The following ZNF142 variants were observed in gnomAD, a reference collection of about 807,000 sequenced individuals.
The protein encoded by ZNF142 is zinc finger protein 142 (clone pHZ-49).
In ZNF142, 96 loss-of-function variants were observed where a neutral mutation model predicts 132.1. That is an observed-to-expected ratio of 0.73 (90% CI 0.62 to 0.86). The LOEUF (loss-of-function observed/expected upper bound fraction) is 0.86, where lower values mean the gene tolerates loss of function less well. ZNF142 is among the 40% of genes least tolerant of loss of function. ZNF142 has a pLI of 0.00. For synonymous variants in ZNF142, 842 were observed against 890.1 expected, an observed-to-expected ratio of 0.95 and a Z score of 0.96; for missense variants, 2,163 against 2,336.2, an observed-to-expected ratio of 0.93 and a Z score of 1.53.
At chr2:218,657,780 T>C (rs191392639) in intron 3 of ZNF142, among the ~76,000 whole-genome samples, 53 of 152,314 alleles carry the variant, frequency 3.5e-4, no homozygotes, top group African/African-American at 1.2e-3. Flanking sequence ...AAGGGCACTC[T>C]GTACACAGCC....
At position 218,643,255 on chromosome 2, in the gene ZNF142, G is replaced by A; in HGVS notation, c.3861C>T (p.Ser1287=). Reference sequence around the variant, plus strand: ...CCAGAACTGTATCCCCATCACCAGAGCTGGACTCTGTACTCCCATTCTTCG... The same window carrying A: ...CCAGAACTGTATCCCCATCACCAGAACTGGACTCTGTACTCCCATTCTTCG... ...APPKNGSTES[S]SGDGDTVLVQ... Residue 1287 remains serine, a synonymous_variant, in exon 9 of 11, where the codon AGC becomes AGT. Transcript: ENST00000411696. 1 of 1,614,236 alleles carries A rather than the reference G, an allele frequency of 6.2e-7. No individual in the cohort carries two copies. Among genetic ancestry groups the A allele is most frequent in the Non-Finnish European group, 8.5e-7 (1 of 1,180,038 alleles).
Position 218,633,974 on chromosome 2 carries a change from A to G in ZNF142, c.*4365T>C. 1.5e-6 allele frequency: 2 copies of G among 1,311,298 alleles called. No individual in the cohort carries two copies. The highest frequency in any genetic ancestry group is 5.0e-5 in the East Asian group (2 of 39,724). 81.2% of individuals were successfully genotyped at this position (1,311,298 alleles called of 1,614,324 possible). On this transcript the variant is annotated 3_prime_UTR_variant, in exon 11 of 11. Transcript: ENST00000411696. ...GCTGGTCTGGATGGACAGAGTAGAG[A>G]GGCACAGTGAAACTTTCTGGAGCCA...
At chr2:218,639,873 G>C (rs955872803) in intron 10 of ZNF142, among the ~76,000 whole-genome samples, 2 of 150,966 alleles carry the variant, frequency 1.3e-5, no homozygotes, top group Non-Finnish European at 3.0e-5. Flanking sequence ...GGCTAACACG[G>C]TGAAACCCCC....
Position 218,650,341 on chromosome 2 carries a change from G to C in ZNF142, c.1048+18C>G. 1 of 1,613,990 alleles carries C rather than the reference G, an allele frequency of 6.2e-7. No homozygotes were observed. The highest frequency in any genetic ancestry group is 8.5e-7 in the Non-Finnish European group (1 of 1,180,012). On this transcript the variant is annotated intron_variant, in intron 6 of 10. Transcript: ENST00000411696. Reference sequence around the variant, plus strand: ...TCTTCCCCACCACCAAGGGCTTCAAGCCTCAGAATGTCATTACCTTCCAGC... The same window carrying C: ...TCTTCCCCACCACCAAGGGCTTCAACCCTCAGAATGTCATTACCTTCCAGC...
At position 218,652,089 on chromosome 2, in the gene ZNF142, T is replaced by C. The variant is rs1356197000; in HGVS notation, c.492A>G (p.Leu164=). Residue 164 remains leucine, a synonymous_variant, in exon 5 of 11, where the codon CTA becomes CTG. Transcript: ENST00000411696. ...LQGQSPPVSP[L]SCPVCRQEFA... is the part of the protein sequence containing the mutation. ...ACTCCTGTCTACACACAGGGCATGATAGGGGGCTAACTGGCGGGCTCTGGC... is the reference window on the plus strand; with the variant it reads ...ACTCCTGTCTACACACAGGGCATGACAGGGGGCTAACTGGCGGGCTCTGGC... 2.0e-5 allele frequency: 9 copies of C among 453,674 alleles called. No individual in the cohort carries two copies. The highest frequency in any genetic ancestry group is 1.8e-5 in the Non-Finnish European group (4 of 225,856). The allele number at this position is 453,674 out of a possible 1,614,324, so 28.1% of individuals were successfully genotyped here.
In ZNF142 at chr2:218,644,064, A is replaced by T. The variant is rs1034615802; in HGVS notation, c.3052T>A (p.Leu1018Met). ...RRQDKEQAEA[L>M]VLEGRVQMVV... ...ATCTGCACCCGCCCCTCTAGCACCA[A>T]TGCCTCTGCTTGTTCTTTGTCCTGT... The change falls in exon 9 of 11, where the codon TTG (leucine) becomes ATG (methionine). Residue 1018 changes from leucine to methionine, a missense_variant. Around this residue, in one of 7 missense-constraint regions of ZNF142, gnomAD observed 809 missense variants for 801.7 expected, o/e 1.01. Coordinates refer to ENST00000411696, the MANE Select transcript of ZNF142 (RefSeq NM_001379659.1). The surrounding 1 kb of genome is among the most constrained non-coding windows in gnomAD (Gnocchi z 4.6). The T allele has an allele frequency of 1.2e-6, 2 of 1,613,968 alleles. No homozygotes were observed. The highest frequency in any genetic ancestry group is 1.3e-5 in the African/African-American group (1 of 74,968).
chr2:218,644,844 C>G lies in ZNF142; in HGVS notation c.2272G>C (p.Ala758Pro). Reference protein sequence around the residue: ...YCSYQSRHKQAVLSHENCKHT... With the variant: ...YCSYQSRHKQPVLSHENCKHT... ...TTGCAGTTCTCATGGCTCAGCACAGCCTGCTTGTGGCGGCTCTGGTAACTG... is the reference window on the plus strand; with the variant it reads ...TTGCAGTTCTCATGGCTCAGCACAGGCTGCTTGTGGCGGCTCTGGTAACTG... Residue 758 changes from alanine to proline, a missense_variant, in exon 9 of 11, where the codon GCT becomes CCT. Transcript: ENST00000411696. The surrounding 1 kb of genome is among the most constrained non-coding windows in gnomAD (Gnocchi z 4.6). 4 of 1,614,222 alleles carry G rather than the reference C, an allele frequency of 2.5e-6. No homozygotes were observed. Among genetic ancestry groups the G allele is most frequent in the Non-Finnish European group, 3.4e-6 (4 of 1,180,034 alleles).
At chr2:218,639,798 G>A (rs2106190801) in intron 10 of ZNF142, among the ~76,000 whole-genome samples, 1 of 149,722 alleles carries the variant, frequency 6.7e-6, no homozygotes, top group Admixed American at 6.7e-5. Flanking sequence ...GCTCATGCCT[G>A]TAATCCCAGC....
At chr2:218,639,162 G>A (rs567415308) in intron 10 of ZNF142, among the ~76,000 whole-genome samples, 388 of 152,232 alleles carry the variant, frequency 2.5e-3, no homozygotes, top group African/African-American at 9.0e-3. Context: ...GTGAAGACAG[G>A]GTTTCACCAT....
At chr2:218,640,455 T>G (rs554695676) in intron 10 of ZNF142, among the ~76,000 whole-genome samples, 3 of 152,320 alleles carry the variant, frequency 2.0e-5, no homozygotes, top group African/African-American at 4.8e-5. Flanking sequence ...AAAGTACATA[T>G]GCCCAGGCTC....
In ZNF142 at chr2:218,635,703, ACCAAAAAGCTTCTTCTC is replaced by A; in HGVS notation, c.*2619_*2635del. 6.8e-7 allele frequency: 1 copy of A among 1,474,182 alleles called. No homozygotes were observed. Among genetic ancestry groups the A allele is most frequent in the Non-Finnish European group, 9.0e-7 (1 of 1,107,884 alleles). The allele number at this position is 1,474,182 out of a possible 1,614,324, so 91.3% of individuals were successfully genotyped here. A position where few individuals can be genotyped will look rare whatever the true frequency, so the allele number is the denominator to read the frequency against. ...ATTACCCATGGAGGATGTTTTACAA[ACCAAAAAGCTTCTTCTC>A]CCCTGGGGTTGGGAGTAGGGTCGGG... On this transcript the variant is annotated 3_prime_UTR_variant, in exon 11 of 11. Coordinates refer to ENST00000411696, the MANE Select transcript of ZNF142 (RefSeq NM_001379659.1).
Position 218,644,078 on chromosome 2 carries a change from T to C in ZNF142, c.3038A>G (p.Glu1013Gly), listed in dbSNP as rs1697514153. Residue 1013 changes from glutamate (E) to glycine (G), a missense_variant, in exon 9 of 11, where the codon GAA (glutamate) becomes GGA (glycine). Around this residue, in one of 7 missense-constraint regions of ZNF142, gnomAD observed 809 missense variants for 801.7 expected, o/e 1.01. Coordinates refer to ENST00000411696, the MANE Select transcript of ZNF142 (RefSeq NM_001379659.1). The surrounding 1 kb of genome is among the most constrained non-coding windows in gnomAD (Gnocchi z 4.6). ...LLKALRRQDK[E>G]QAEALVLEGR... ...CTCTAGCACCAATGCCTCTGCTTGT[T>C]CTTTGTCCTGTCTCCTTAGGGCCTT... 1 of 1,614,062 alleles carries C rather than the reference T, an allele frequency of 6.2e-7. No homozygotes were observed. The highest frequency in any genetic ancestry group is 8.5e-7 in the Non-Finnish European group (1 of 1,179,996).
chr2:218,656,501 G>A, intron 3 of ZNF142, 38 bp from the exon 4 acceptor site: 1 of 1,399,912 alleles, frequency 7.1e-7, no homozygotes, highest in Non-Finnish European at 9.4e-7. Flanking sequence ...AGTAAGGTTA[G>A]AGTTCTTACT....
At chr2:218,638,940 C>T (rs778290249) in intron 10 of ZNF142, 132 bp from the exon 11 acceptor site, 163 of 666,630 alleles carry the variant, frequency 2.4e-4, no homozygotes, top group Non-Finnish European at 3.6e-4. Flanking sequence ...TTGGAATGCT[C>T]CAGTCCTCCA....
chr2:218,644,341 G>A lies in ZNF142; in HGVS notation c.2775C>T (p.Pro925=), dbSNP rs1280646891. The A allele has an allele frequency of 3.1e-6, 5 of 1,613,938 alleles. No homozygotes were observed. Among genetic ancestry groups the A allele is most frequent in the African/African-American group, 1.3e-5 (1 of 74,886 alleles). ...VTETAPMEFR[P]LGLEGPDGLE... ...GTCCATCTGGCCCTTCCAGTCCCAG[G>A]GGCCTGAACTCCATAGGGGCTGTTT... is the stretch of plus-strand genomic sequence containing the variant. Residue 925 remains proline (P), a synonymous_variant, in exon 9 of 11, where the codon CCC becomes CCT. Transcript: ENST00000411696. The surrounding 1 kb of genome is among the most constrained non-coding windows in gnomAD (Gnocchi z 4.6).
rs908071341 is a variant in ZNF142 at position 218,635,823 on chromosome 2, G to C, written c.*2516C>G. 1.9e-6 allele frequency: 3 copies of C among 1,613,600 alleles called. No homozygotes were observed. The highest frequency in any genetic ancestry group is 2.7e-5 in the African/African-American group (2 of 75,040). On this transcript the variant is annotated 3_prime_UTR_variant, in exon 11 of 11. Transcript: ENST00000411696. ...GATCAGCGGTCAGCAACTCCCCAAA[G>C]TGGACAAGACCAAAGAGGGGTCCAT...
Position 218,634,687 on chromosome 2 carries a change from G to A in ZNF142, c.*3652C>T. ...TGAGATAACTGGGATAGAAGTGAGG[G>A]AAGAGGTGGCTAGGCCTGACCGGAA... On this transcript the variant is annotated 3_prime_UTR_variant, in exon 11 of 11. Transcript: ENST00000411696. This position sits in a 1 kb window ranked among gnomAD's most constrained non-coding sequence, Gnocchi z 4.0. 6.3e-6 allele frequency: 10 copies of A among 1,582,162 alleles called. No homozygotes were observed. The South Asian group carries it at 1.1e-4, about 18-fold the overall frequency.
Position 218,645,050 on chromosome 2 carries a change from T to C in ZNF142, c.2066A>G (p.Gln689Arg), listed in dbSNP as rs367655099. 144 of 1,607,824 alleles carry C rather than the reference T, an allele frequency of 9.0e-5. No homozygotes were observed. The highest frequency in any genetic ancestry group is 5.1e-4 in the Middle Eastern group (3 of 5,906). ...AGCCCGGTGACAGCGATAGGAGCAC[T>C]GGTTGCACTGATACCTGGCAAGGAG... is the stretch of plus-strand genomic sequence containing the variant. Reference protein sequence around the residue: ...HAGDLRYQCNQCSYRCHRADQ... With the variant: ...HAGDLRYQCNRCSYRCHRADQ... The change falls in exon 9 of 11, where the codon CAG becomes CGG. Residue 689 changes from glutamine to arginine, a missense_variant. Gln to Arg is a conservative substitution (Grantham distance 43). Transcript: ENST00000411696.
At chr2:218,650,183 T>C (rs1937846788) in intron 6 of ZNF142, among the ~76,000 whole-genome samples, 176 bp downstream of exon 6, 1 of 152,226 alleles carries the variant, frequency 6.6e-6, no homozygotes, top group African/African-American at 2.4e-5. Context: ...ACTAAAGTCT[T>C]TACCATTCAC....
Sources: gnomAD v4.1 joint callset for allele counts (sites outside exome capture counted in the v4.1 genomes callset) on GRCh38, gnomAD v4.1.1 for gene constraint, gnomAD v4.1.1 regional missense constraint, Gnocchi (gnomAD v3.1) non-coding constraint, MANE v1.5 for transcripts, NCBI Gene and HGNC (gene_info 2026-07-23, HGNC 2026-07-21) for gene names.